Variants in NXPE2 observed in about 807,000 individuals in gnomAD.
NXPE2 encodes the protein NXPE family member 2.
NXPE2 carries 34 observed loss-of-function variants against 34.4 expected under a neutral mutation model. The observed-to-expected ratio is 0.99, with a 90% CI of 0.75 to 1.31. The LOEUF (loss-of-function observed/expected upper bound fraction) is 1.31, where lower values mean the gene tolerates loss of function less well. NXPE2 is among the 40% of genes most tolerant of loss of function. The pLI, the probability that NXPE2 is intolerant of heterozygous loss-of-function variation, is 0.00. For missense variants in NXPE2, 649 were observed against 672.5 expected (o/e 0.97, Z 0.39); for synonymous variants, 235 against 231.3 (o/e 1.02, Z -0.15).
the NXPE2 span, among the ~76,000 whole-genome samples, chr11:114,574,633 T>C: frequency 6.6e-6 from 1 of 152,066 alleles, no homozygotes; most frequent in Non-Finnish European, 1.5e-5. Context: ...ACAACCCTCC[T>C]AGATTAAACC....
the NXPE2 span, among the ~76,000 whole-genome samples, chr11:114,491,168 C>CA: frequency 0.044 from 2,379 of 53,548 alleles, 542 homozygotes; most frequent in East Asian, 0.48. Flanking sequence ...GACTCCGTCT[C>CA]AAAAAAAAAA....
the NXPE2 span, among the ~76,000 whole-genome samples, chr11:114,760,314 T>G: frequency 6.6e-6 from 1 of 152,192 alleles, no homozygotes; most frequent in Admixed American, 6.5e-5. Flanking sequence ...GAACAGGCCT[T>G]CACCAGGTAA....
chr11:114,707,716 A>T (rs933705903), downstream of NXPE2, among the ~76,000 whole-genome samples: 4 of 152,228 alleles, frequency 2.6e-5, no homozygotes, highest in African/African-American at 9.7e-5. Flanking sequence ...TCCTTGGCCC[A>T]TGGCAACCGC....
the NXPE2 span, among the ~76,000 whole-genome samples, chr11:114,759,239 G>T: frequency 6.6e-6 from 1 of 152,126 alleles, no homozygotes; most frequent in South Asian, 2.1e-4. Context: ...GGAGGTCCTC[G>T]GAGCCTCCTT....
chr11:114,744,027 T>C, the NXPE2 span, among the ~76,000 whole-genome samples: 1 of 151,320 alleles, frequency 6.6e-6, no homozygotes, highest in African/African-American at 2.4e-5. Flanking sequence ...TGGATTCTGC[T>C]CTCTCATTGC....
the NXPE2 span, among the ~76,000 whole-genome samples, chr11:114,467,333 A>T: frequency 6.6e-6 from 1 of 152,210 alleles, no homozygotes; most frequent in Non-Finnish European, 1.5e-5. Context: ...AGTAAAATCC[A>T]GTTCGTTCCA....
the NXPE2 span, among the ~76,000 whole-genome samples, chr11:114,643,779 T>C: frequency 6.6e-6 from 1 of 151,052 alleles, no homozygotes; most frequent in African/African-American, 2.4e-5. Context: ...AAGTAGTTTT[T>C]TTTTTAATAA....
chr11:114,626,983 G>T, the NXPE2 span, among the ~76,000 whole-genome samples: 4 of 152,166 alleles, frequency 2.6e-5, no homozygotes, highest in African/African-American at 9.6e-5. Context: ...AGAATAAAAA[G>T]AAATGAACAA....
chr11:114,812,649 C>A, the NXPE2 span, among the ~76,000 whole-genome samples: 3 of 152,104 alleles, frequency 2.0e-5, no homozygotes, highest in African/African-American at 7.2e-5. Context: ...GGTTTTGGTA[C>A]CCTTGAGAGA....
the NXPE2 span, among the ~76,000 whole-genome samples, chr11:114,769,903 A>T: frequency 6.6e-6 from 1 of 152,210 alleles, no homozygotes; most frequent in Non-Finnish European, 1.5e-5. Flanking sequence ...TGGCACATGT[A>T]CATCTATGTA....
At chr11:114,599,555 G>A in the NXPE2 span, among the ~76,000 whole-genome samples, 4 of 152,134 alleles carry the variant, frequency 2.6e-5, no homozygotes, top group Admixed American at 1.3e-4. Flanking sequence ...AATTTATAAA[G>A]AAAAGAGATT....
At chr11:114,602,156 ATTAT>A in the NXPE2 span, among the ~76,000 whole-genome samples, 5 of 105,784 alleles carry the variant, frequency 4.7e-5, no homozygotes, top group Admixed American at 1.5e-4. Flanking sequence ...TATAATATAC[ATTAT>A]TTATAATATA....
chr11:114,626,104 C>T, the NXPE2 span, among the ~76,000 whole-genome samples: 9,323 of 152,190 alleles, frequency 0.061, 399 homozygotes, highest in Non-Finnish European at 0.094. Flanking sequence ...GGGAGAGGGG[C>T]GCCCGCCATT....
At chr11:114,544,375 A>G in the NXPE2 span, among the ~76,000 whole-genome samples, 1 of 152,358 alleles carries the variant, frequency 6.6e-6, no homozygotes, top group African/African-American at 2.4e-5. Context: ...TGGTGAAAGA[A>G]TGAACAGATT....
At chr11:114,566,592 T>C in the NXPE2 span, among the ~76,000 whole-genome samples, 8 of 152,060 alleles carry the variant, frequency 5.3e-5, no homozygotes, top group Admixed American at 1.3e-4. Flanking sequence ...TAACAGAGAA[T>C]AGGAGGTAGC....
chr11:114,758,178 TAACCTGTCCCATTTCCTAGGTGA>T, the NXPE2 span, among the ~76,000 whole-genome samples: 1 of 152,190 alleles, frequency 6.6e-6, no homozygotes, highest in Non-Finnish European at 1.5e-5. Context: ...CTCCGTCCAC[TAACCTGTCCCATTTCCTAGGTGA>T]ATTTCACTGA....
At chr11:114,515,736 G>A in the NXPE2 span, among the ~76,000 whole-genome samples, 1 of 139,584 alleles carries the variant, frequency 7.2e-6, no homozygotes, top group African/African-American at 3.0e-5. Flanking sequence ...AGAGGCTGTG[G>A]TTAGAAAGTA....
At chr11:114,801,526 A>G in the NXPE2 span, among the ~76,000 whole-genome samples, 3 of 152,338 alleles carry the variant, frequency 2.0e-5, no homozygotes, top group South Asian at 4.1e-4. Context: ...AAAGTTAAGC[A>G]TGGGAATGGC....
At chr11:114,582,352 G>T in the NXPE2 span, 1 of 1,612,594 alleles carries the variant, frequency 6.2e-7, no homozygotes, top group South Asian at 1.1e-5. Context: ...GAATACATGT[G>T]AGTGAGTGCA....
Sources: gnomAD v4.1 joint callset for allele counts (sites outside exome capture counted in the v4.1 genomes callset) on GRCh38, gnomAD v4.1.1 for gene constraint, MANE v1.5 for transcripts, NCBI Gene and HGNC (gene_info 2026-07-23, HGNC 2026-07-21) for gene names.